TRAPPC9: variants seen among roughly 807,000 people sequenced by gnomAD.
TRAPPC9 encodes the protein trafficking protein particle complex subunit 9, also known as IKK2 binding protein.
TRAPPC9 carries 83 observed loss-of-function variants against 124.0 expected under a neutral mutation model. That is an observed-to-expected ratio of 0.67 (90% CI 0.56 to 0.80). TRAPPC9 has a LOEUF of 0.80. Ranked by LOEUF, TRAPPC9 falls within the 30% of genes least tolerant of loss-of-function variation. The pLI is 0.00. For synonymous variants in TRAPPC9, 638 were observed against 617.5 expected, an observed-to-expected ratio of 1.03 and a Z score of -0.49; for missense variants, 1,302 against 1,508.3, an observed-to-expected ratio of 0.86 and a Z score of 2.27.
At chr8:140,229,268 T>C (rs1484635505) in intron 16 of TRAPPC9, among the ~76,000 whole-genome samples, 28 of 138,150 alleles carry the variant, frequency 2.0e-4, no homozygotes, top group Non-Finnish European at 3.5e-4. Flanking sequence ...TTTTTTTTTT[T>C]TTTTTTTTTT....
intron 17 of TRAPPC9, among the ~76,000 whole-genome samples, chr8:140,117,956 T>C (rs918060255): frequency 6.6e-6 from 1 of 152,226 alleles, no homozygotes; most frequent in African/African-American, 2.4e-5. Context: ...CATTTGTAAT[T>C]TACCTCTCAT....
chr8:140,441,203 A>G (rs2071006029), intron 2 of TRAPPC9, among the ~76,000 whole-genome samples: 1 of 151,678 alleles, frequency 6.6e-6, no homozygotes, highest in South Asian at 2.1e-4. Flanking sequence ...CTGGTCTCGA[A>G]CTCCTGGGCT....
chr8:140,290,550 C>T (rs1396558477), intron 12 of TRAPPC9, among the ~76,000 whole-genome samples: 2 of 85,012 alleles, frequency 2.4e-5, no homozygotes, highest in Non-Finnish European at 4.6e-5. Flanking sequence ...CAAGAGAAAG[C>T]TCGTGGTGGT....
chr8:140,440,920 A>C lies in TRAPPC9; in HGVS notation c.585-1723T>G, dbSNP rs377630137. Among the ~76,000 whole-genome samples the C allele has an allele frequency of 2.7e-5, 4 of 150,286 alleles. No individual in the cohort carries two copies. The East Asian group carries it at 7.8e-4, about 29-fold the overall frequency. On this transcript the variant is annotated intron_variant, in intron 2 of 22. Coordinates refer to ENST00000438773, the MANE Select transcript of TRAPPC9 (RefSeq NM_001160372.4). Reference sequence around the variant, plus strand: ...TCTCAAGGAAGCCTTCCCTGACTCCAACCTCTGCACTTTGGGTTAAGTGTC... The same window carrying C: ...TCTCAAGGAAGCCTTCCCTGACTCCCACCTCTGCACTTTGGGTTAAGTGTC...
chr8:140,410,887 C>A (rs1219511584), intron 5 of TRAPPC9, among the ~76,000 whole-genome samples: 1 of 149,606 alleles, frequency 6.7e-6, no homozygotes, highest in African/African-American at 2.4e-5. Flanking sequence ...AACAGCAACT[C>A]AAAGAACTGT....
chr8:139,825,876 A>G lies in TRAPPC9; in HGVS notation c.3055+60003T>C, dbSNP rs1825589804. ...CTCACCCATGGGTTCCTGAATCAGA[A>G]TATTTCCTGTGCAAAGCGCCATGCC... On this transcript the variant is annotated intron_variant, in intron 21 of 22. Transcript: ENST00000438773. The surrounding 1 kb of genome is among the most constrained non-coding windows in gnomAD (Gnocchi z 4.6). 6.6e-6 allele frequency among the ~76,000 whole-genome samples: 1 copy of G among 152,100 alleles called. No homozygotes were observed. Among genetic ancestry groups the G allele is most frequent in the African/African-American group, 2.4e-5 (1 of 41,420 alleles).
intron 19 of TRAPPC9, among the ~76,000 whole-genome samples, chr8:139,964,908 A>G (rs757046447): frequency 6.6e-6 from 1 of 152,216 alleles, no homozygotes; most frequent in Non-Finnish European, 1.5e-5. Context: ...TGCTGTCCAT[A>G]ACATTGCCCA....
chr8:140,446,293 CAAAAAAA>C (rs59393001), intron 2 of TRAPPC9, among the ~76,000 whole-genome samples: 25 of 110,328 alleles, frequency 2.3e-4, no homozygotes, highest in African/African-American at 6.3e-4. Context: ...GACTCTGTCT[CAAAAAAA>C]AAAAAAAAAA....
chr8:140,165,265 C>T (rs978352653), intron 17 of TRAPPC9, among the ~76,000 whole-genome samples: 1 of 151,896 alleles, frequency 6.6e-6, no homozygotes, highest in Non-Finnish European at 1.5e-5. Flanking sequence ...CGCTTGAACC[C>T]GGGAGGCAGA....
rs1842799107 is a variant in TRAPPC9 at position 140,064,453 on chromosome 8, T to C, written c.2557-40374A>G. 3.3e-5 allele frequency among the ~76,000 whole-genome samples: 5 copies of C among 152,176 alleles called. No homozygotes were observed. The South Asian group carries it at 1.0e-3, about 31-fold the overall frequency. On this transcript the variant is annotated intron_variant, in intron 17 of 22. Coordinates refer to ENST00000438773, the MANE Select transcript of TRAPPC9 (RefSeq NM_001160372.4). ...GCTCTTAGGAAACCAAAAGCTAGGA[T>C]GGCAGTCTTTATCTCTACCTGATAG... is the stretch of plus-strand genomic sequence containing the variant.
At chr8:139,814,084 C>T (rs72683242) in intron 21 of TRAPPC9, among the ~76,000 whole-genome samples, 11 of 152,328 alleles carry the variant, frequency 7.2e-5, no homozygotes, top group Admixed American at 1.3e-4. Context: ...TCTGAGCTCC[C>T]GCCTCTGAGC....
chr8:139,910,339 T>C, intron 19 of TRAPPC9, 39 bp from the exon 20 acceptor site: 1 of 1,611,382 alleles, frequency 6.2e-7, no homozygotes, highest in Non-Finnish European at 8.5e-7. Flanking sequence ...AATTCATCAG[T>C]AGGGCAATTT....
intron 21 of TRAPPC9, among the ~76,000 whole-genome samples, chr8:139,809,205 CTTGAA>C (rs1586893550): frequency 6.6e-6 from 1 of 152,236 alleles, no homozygotes; most frequent in East Asian, 1.9e-4. Flanking sequence ...AAAAAGTCAC[CTTGAA>C]TTGCACAGAA....
At chr8:139,908,464 G>A (rs952540056) in intron 20 of TRAPPC9, among the ~76,000 whole-genome samples, 22 of 152,236 alleles carry the variant, frequency 1.4e-4, no homozygotes, top group African/African-American at 4.8e-4. Flanking sequence ...AGAAACATGG[G>A]CCTATCAGAA....
At chr8:140,457,543 C>A (rs2071727209) in intron 1 of TRAPPC9, 96 bp downstream of exon 1, 1 of 939,590 alleles carries the variant, frequency 1.1e-6, no homozygotes, top group Admixed American at 6.2e-5. Flanking sequence ...CGGGCGAGCC[C>A]CTCCGCGGGA....
chr8:139,902,810 A>G (rs1415986423), intron 20 of TRAPPC9, among the ~76,000 whole-genome samples: 1 of 152,138 alleles, frequency 6.6e-6, no homozygotes, highest in Non-Finnish European at 1.5e-5. Context: ...CCTGAAAGGG[A>G]GGATAGCTCA....
At position 140,079,969 on chromosome 8, in the gene TRAPPC9, A is replaced by AAGG. The variant is rs369523678; in HGVS notation, c.2557-55893_2557-55891dup. 4.3e-4 allele frequency among the ~76,000 whole-genome samples: 65 copies of AAGG among 152,008 alleles called. 2 individuals are homozygous for AAGG. The highest frequency in any genetic ancestry group is 1.3e-3 in the African/African-American group (53 of 41,462). The stretch of plus-strand genomic sequence containing the variant: ...AATGATAATAATAAAAATGAAGAAG[A>AAGG]AGGAGGAGGAGGAGGAGGGGAAGAA... On this transcript the variant is annotated intron_variant, in intron 17 of 22. Transcript: ENST00000438773.
chr8:140,158,183 T>G (rs1381833800), intron 17 of TRAPPC9, among the ~76,000 whole-genome samples: 1 of 152,178 alleles, frequency 6.6e-6, no homozygotes, highest in Non-Finnish European at 1.5e-5. Flanking sequence ...CAGCCCCCCC[T>G]CAAATATAAC....
chr8:139,971,978 T>G (rs1836133980), intron 19 of TRAPPC9, among the ~76,000 whole-genome samples: 1 of 151,954 alleles, frequency 6.6e-6, no homozygotes, highest in Admixed American at 6.6e-5. Flanking sequence ...CGCGCCACCA[T>G]GCCCGCCTAA....
Sources: allele counts gnomAD v4.1 joint callset (sites outside exome capture counted in the v4.1 genomes callset), GRCh38; gene constraint gnomAD v4.1.1; non-coding constraint Gnocchi (gnomAD v3.1); transcripts MANE v1.5; gene names NCBI Gene and HGNC (gene_info 2026-07-23, HGNC 2026-07-21).